PLIN1: variants seen among roughly 807,000 people sequenced by gnomAD.
PLIN1 encodes the protein perilipin 1.
A neutral mutation model predicts 45.8 loss-of-function variants in PLIN1; 37 were observed. The ratio of observed to expected loss-of-function variants is 0.81; its 90% confidence interval spans 0.62 to 1.06. PLIN1 has a LOEUF of 1.06. Ranked by LOEUF, PLIN1 falls within the 50% of genes least tolerant of loss-of-function variation. PLIN1 has a pLI of 0.00. For synonymous variants in PLIN1, 340 were observed against 309.2 expected (o/e 1.10, Z -1.05); for missense variants, 776 against 716.5 (o/e 1.08, Z -0.95).
Position 89,669,511 on chromosome 15 carries a change from C to G in PLIN1, c.760G>C (p.Val254Leu), listed in dbSNP as rs540314222. 1.2e-6 allele frequency: 2 copies of G among 1,612,270 alleles called. No homozygotes were observed. Among genetic ancestry groups the G allele is most frequent in the South Asian group, 2.2e-5 (2 of 91,062 alleles). The change falls in exon 6 of 9, where the codon GTG (valine) becomes CTG (leucine). Residue 254 changes from valine to leucine, a missense_variant. Coordinates refer to ENST00000300055, the MANE Select transcript of PLIN1 (RefSeq NM_002666.5). Reference protein sequence around the residue: ...GHTVAMWIPGVVPLSSLAQWG... With the variant: ...GHTVAMWIPGLVPLSSLAQWG... ...CGGCAGATACTTACCAGGGGCACCA[C>G]GCCTGGGATCCACATGGCCACGGTG...
intron 7 of PLIN1, 151 bp from the exon 8 acceptor site, chr15:89,667,332 G>T: frequency 1.8e-6 from 2 of 1,089,840 alleles, no homozygotes; most frequent in Non-Finnish European, 2.7e-6. Context: ...CCTTGGACAG[G>T]TCACATTCCC....
At position 89,665,794 on chromosome 15, in the gene PLIN1, C is replaced by G. The variant is rs762939063; in HGVS notation, c.1358G>C (p.Arg453Pro). Reference sequence around the variant, plus strand: ...GCTCTGCGCGCTGCGCAGGCTGCGGCGGGGCTGTGCGAGACGCGGGGCGGG... The same window carrying G: ...GCTCTGCGCGCTGCGCAGGCTGCGGGGGGGCTGTGCGAGACGCGGGGCGGG... ...PEPAPRLAQP[R>P]RSLRSAQSPG... Residue 453 changes from arginine (R) to proline (P), a missense_variant, in exon 9 of 9, where the codon CGC (arginine) becomes CCC (proline). Physicochemically the swap from Arg to Pro is moderately radical, Grantham distance 103. Transcript: ENST00000300055. 1.5e-6 allele frequency: 2 copies of G among 1,299,352 alleles called. No individual in the cohort carries two copies. The highest frequency in any genetic ancestry group is 4.2e-5 in the South Asian group (2 of 47,232). 80.5% of individuals were successfully genotyped at this position (1,299,352 alleles called of 1,614,324 possible). A position where few individuals can be genotyped will look rare whatever the true frequency, so the allele number is the denominator to read the frequency against.
chr15:89,673,324 C>T lies in PLIN1; in HGVS notation c.136G>A (p.Glu46Lys), dbSNP rs1216183973. ...ACAGAGGCCACCAGGGGGTGGGCTTCCTTAGTGCTGGTGTAGGTCTTCTGG... is the reference window on the plus strand; with the variant it reads ...ACAGAGGCCACCAGGGGGTGGGCTTTCTTAGTGCTGGTGTAGGTCTTCTGG... The part of the protein sequence containing the change: ...CFQKTYTSTK[E>K]AHPLVASVCN... Residue 46 changes from glutamate to lysine, a missense_variant, in exon 3 of 9, where the codon GAA becomes AAA. Coordinates refer to ENST00000300055, the MANE Select transcript of PLIN1 (RefSeq NM_002666.5). 6.3e-7 allele frequency: 1 copy of T among 1,595,940 alleles called. No homozygotes were observed. Among genetic ancestry groups the T allele is most frequent in the Admixed American group, 1.7e-5 (1 of 57,670 alleles).
chr15:89,676,428 T>C (rs925667436), intron 2 of PLIN1, among the ~76,000 whole-genome samples: 2 of 152,098 alleles, frequency 1.3e-5, no homozygotes, highest in Middle Eastern at 3.2e-3. Flanking sequence ...TTTGTATTTT[T>C]AGTAGAGATG....
At chr15:89,673,118 A>C (rs1196347585) in intron 3 of PLIN1, 92 bp downstream of exon 3, 9 of 971,180 alleles carry the variant, frequency 9.3e-6, no homozygotes, top group Non-Finnish European at 1.4e-5. Context: ...CAAGCAAGTT[A>C]TCAGACAGTC....
chr15:89,677,561 C>T, intron 1 of PLIN1, 58 bp from the exon 2 acceptor site: 1 of 1,420,630 alleles, frequency 7.0e-7, no homozygotes, highest in South Asian at 1.1e-5. Context: ...TCCACTGGGT[C>T]ACTTCCCTAC....
intron 3 of PLIN1, 103 bp from the exon 4 acceptor site, chr15:89,671,667 G>A (rs1964443584): frequency 1.2e-6 from 1 of 857,558 alleles, no homozygotes; most frequent in Non-Finnish European, 2.0e-6. Flanking sequence ...CAAATCCCAA[G>A]GCCTGCTGCC....
chr15:89,673,212 T>G lies in PLIN1; in HGVS notation c.248A>C (p.Gln83Pro), dbSNP rs1184018554. 3 of 1,562,366 alleles carry G rather than the reference T, an allele frequency of 1.9e-6. No homozygotes were observed. Among genetic ancestry groups the G allele is most frequent in the Non-Finnish European group, 1.7e-6 (2 of 1,152,888 alleles). The change falls in exon 3 of 9, where the codon CAG becomes CCG. Residue 83 changes from glutamine to proline, a missense_variant and splice_region_variant. Transcript: ENST00000300055. ...MEPVVRRLST[Q>P]FTAANELACR... ...TGCTGAGCGCCGCAAGGACTCACAC[T>G]GGGTGGACAGCCTGCGGACCACCGG... is the stretch of plus-strand genomic sequence containing the variant.
chr15:89,674,395 T>C (rs1964485733), intron 2 of PLIN1, among the ~76,000 whole-genome samples: 1 of 152,222 alleles, frequency 6.6e-6, no homozygotes. Context: ...TAGCTGGGAC[T>C]ACAGGCCTGT....
At chr15:89,666,895 C>A in intron 8 of PLIN1, 41 bp downstream of exon 8, 1 of 1,610,822 alleles carries the variant, frequency 6.2e-7, no homozygotes, top group Non-Finnish European at 8.5e-7. Context: ...CATGTCCAGG[C>A]CCCCTTGGGA....
At chr15:89,667,446 C>T (rs1005825813) in intron 7 of PLIN1, among the ~76,000 whole-genome samples, 156 bp downstream of exon 7, 1 of 152,208 alleles carries the variant, frequency 6.6e-6, no homozygotes, top group African/African-American at 2.4e-5. Context: ...CATGGAAGTC[C>T]CTCGCCAGCT....
chr15:89,667,232 T>TC (rs768597664), intron 7 of PLIN1, 51 bp from the exon 8 acceptor site: 12 of 1,606,970 alleles, frequency 7.5e-6, no homozygotes, highest in Non-Finnish European at 1.0e-5. Context: ...CCCTGACCCT[T>TC]CCCTCCCCAC....
In PLIN1 at chr15:89,671,381, C is replaced by T. The variant is rs941471518; in HGVS notation, c.333+101G>A. On this transcript the variant is annotated intron_variant, in intron 4 of 8. Transcript: ENST00000300055. Reference sequence around the variant, plus strand: ...GCCTTGGAGGGTGCTCACCATGGGACACAGACTTCCAGTCACGGCATCAGC... The same window carrying T: ...GCCTTGGAGGGTGCTCACCATGGGATACAGACTTCCAGTCACGGCATCAGC... The T allele has an allele frequency of 5.6e-5, 48 of 863,452 alleles. No homozygotes were observed. In the African/African-American group the frequency reaches 6.2e-4, roughly 11 times the overall value. The allele number at this position is 863,452 out of a possible 1,614,324, so 53.5% of individuals were successfully genotyped here.
intron 1 of PLIN1, among the ~76,000 whole-genome samples, chr15:89,678,687 G>T (rs943710411): frequency 9.2e-5 from 14 of 152,156 alleles, no homozygotes; most frequent in Admixed American, 7.2e-4. Context: ...GCTGACATGG[G>T]AGAATTGCTT....
intron 4 of PLIN1, among the ~76,000 whole-genome samples, chr15:89,670,755 C>T (rs1014433878): frequency 6.6e-6 from 1 of 152,284 alleles, no homozygotes; most frequent in South Asian, 2.1e-4. Context: ...GCTGAATAGA[C>T]CTGCTCTCAT....
At chr15:89,676,749 T>A (rs1964525524) in intron 2 of PLIN1, 1 of 152,586 alleles carries the variant, frequency 6.6e-6, no homozygotes, top group Admixed American at 6.5e-5. Context: ...TTGACCATTT[T>A]ACGCCTCTCT....
At chr15:89,674,915 C>T (rs952389954) in intron 2 of PLIN1, among the ~76,000 whole-genome samples, 1 of 151,926 alleles carries the variant, frequency 6.6e-6, no homozygotes, top group East Asian at 1.9e-4. Flanking sequence ...GCCTGGGCAA[C>T]ACAGGGAGAC....
Position 89,670,184 on chromosome 15 carries a change from T to C in PLIN1, c.394A>G (p.Ser132Gly), listed in dbSNP as rs1342959688. ...TRLRSARNSISVPIASTSDKV... is the reference protein window; with the variant it reads ...TRLRSARNSIGVPIASTSDKV... ...TCTGAAGTGCTCGCGATGGGAACGCTGATGCTGTTTCTGGCACTGCGGAGG... is the reference window on the plus strand; with the variant it reads ...TCTGAAGTGCTCGCGATGGGAACGCCGATGCTGTTTCTGGCACTGCGGAGG... The change falls in exon 5 of 9, where the codon AGC (serine) becomes GGC (glycine). Residue 132 changes from serine (S) to glycine (G), a missense_variant. Transcript: ENST00000300055. The C allele has an allele frequency of 6.2e-7, 1 of 1,613,934 alleles. No homozygotes were observed. Among genetic ancestry groups the C allele is most frequent in the African/African-American group, 1.3e-5 (1 of 74,956 alleles).
intron 6 of PLIN1, among the ~76,000 whole-genome samples, chr15:89,669,275 G>A (rs1964397777): frequency 6.6e-6 from 1 of 152,166 alleles, no homozygotes; most frequent in South Asian, 2.1e-4. Flanking sequence ...ACTCTAGCAA[G>A]GCAGGCCTGC....
Sources: gnomAD v4.1 joint callset for allele counts (sites outside exome capture counted in the v4.1 genomes callset) on GRCh38, gnomAD v4.1.1 for gene constraint, MANE v1.5 for transcripts, NCBI Gene and HGNC (gene_info 2026-07-23, HGNC 2026-07-21) for gene names.